GPBP1L1: variants seen among roughly 807,000 people sequenced by gnomAD.
GPBP1L1 encodes vasculin-like protein 1.
Under a neutral mutation model 52.5 loss-of-function variants are expected in GPBP1L1, and 23 were observed. The ratio of observed to expected loss-of-function variants is 0.44; its 90% CI spans 0.32 to 0.62. GPBP1L1 has a LOEUF of 0.62. Among genes scored for constraint, GPBP1L1 ranks in the 20% least tolerant of loss-of-function variants. The probability of loss-of-function intolerance (pLI) is 0.06; values close to 1 mark genes in which losing one functional copy is unlikely to be tolerated. For synonymous variants in GPBP1L1, 243 were observed against 203.1 expected (o/e 1.20, Z -1.67); for missense variants, 596 against 579.3 (o/e 1.03, Z -0.30).
In GPBP1L1 at chr1:45,629,683, T is replaced by C; in HGVS notation, c.1170-5A>G. 1 of 1,565,444 alleles carries C rather than the reference T, an allele frequency of 6.4e-7. No individual in the cohort carries two copies. Among genetic ancestry groups the C allele is most frequent in the South Asian group, 1.1e-5 (1 of 90,070 alleles). On this transcript the variant is annotated splice_polypyrimidine_tract_variant and splice_region_variant and intron_variant, in intron 11 of 12. Coordinates refer to ENST00000355105, the MANE Select transcript of GPBP1L1 (RefSeq NM_021639.5). The stretch of plus-strand genomic sequence containing the variant: ...CAACCCATAGCTTTCAATAACCTGG[T>C]GGACGCAGAAGGACAGGTAAAGAGA...
At chr1:45,651,466 T>G in intron 6 of GPBP1L1, 1 of 435,920 alleles carries the variant, frequency 2.3e-6, no homozygotes. Context: ...GCTGGCAGCT[T>G]TCTTCTCAGC....
At chr1:45,653,012 G>A (rs1644837503) in intron 6 of GPBP1L1, among the ~76,000 whole-genome samples, 1 of 152,108 alleles carries the variant, frequency 6.6e-6, no homozygotes. Context: ...GAACATTCTG[G>A]ACAAATATTC....
rs531381041 is a variant in GPBP1L1 at position 45,685,366 on chromosome 1, T to A, written c.-1098+210A>T. Among the ~76,000 whole-genome samples the A allele has an allele frequency of 5.4e-4, 82 of 152,318 alleles. 1 individual carries two copies. Among genetic ancestry groups the A allele is most frequent in the African/African-American group, 1.9e-3 (77 of 41,572 alleles). On this transcript the variant is annotated intron_variant, in intron 2 of 12. Transcript: ENST00000355105. ...ACTAAACTAAAACATGAACCACTAT[T>A]ATTAACTGTATTTTTCTGGTAAGCA...
rs72883698 is a variant in GPBP1L1 at position 45,644,364 on chromosome 1, T to C, written c.478-1865A>G. On this transcript the variant is annotated intron_variant, in intron 6 of 12. Coordinates refer to ENST00000355105, the MANE Select transcript of GPBP1L1 (RefSeq NM_021639.5). ...TATCTTTGATCTCTTTCTACTGTTT[T>C]AAAAAATACAGTTTTAAAACTTGTA... Among the ~76,000 whole-genome samples, 771 of 152,282 alleles carry C rather than the reference T, an allele frequency of 5.1e-3. 7 individuals are homozygous for C. The highest frequency in any genetic ancestry group is 0.017 in the African/African-American group (726 of 41,556).
intron 8 of GPBP1L1, chr1:45,635,172 G>C (rs1256975062): frequency 6.6e-6 from 1 of 152,030 alleles, no homozygotes; most frequent in East Asian, 1.9e-4. Context: ...TAATTGTTAC[G>C]CTGACTTTTA....
rs768010571 is a variant in GPBP1L1 at position 45,634,180 on chromosome 1, G to C, written c.801C>G (p.Ser267Arg). ...TTGGACTGGTAAAAGCAGACTCCCGGCTAGAGGAAAGGGATCCTGACTTGT... is the reference window on the plus strand; with the variant it reads ...TTGGACTGGTAAAAGCAGACTCCCGCCTAGAGGAAAGGGATCCTGACTTGT... ...MEHKSGSLSS[S>R]RESAFTSPIS... The change falls in exon 9 of 13, where the codon AGC (serine) becomes AGG (arginine). Residue 267 changes from serine to arginine, a missense_variant. By Grantham distance (110) the Ser-to-Arg change is moderately radical. Transcript: ENST00000355105. The C allele has an allele frequency of 5.6e-6, 9 of 1,613,868 alleles. No individual in the cohort carries two copies.
At chr1:45,637,045 T>C (rs888398010) in intron 8 of GPBP1L1, among the ~76,000 whole-genome samples, 2 of 152,212 alleles carry the variant, frequency 1.3e-5, no homozygotes, top group Non-Finnish European at 2.9e-5. Flanking sequence ...TGTCAACAAA[T>C]GGCAGTTCTC....
chr1:45,639,314 G>A (rs1252259702), intron 8 of GPBP1L1, among the ~76,000 whole-genome samples: 1 of 152,190 alleles, frequency 6.6e-6, no homozygotes, highest in Non-Finnish European at 1.5e-5. Flanking sequence ...AACAAGGACA[G>A]CATAGAGAGA....
At chr1:45,650,967 T>G (rs1269183597) in intron 6 of GPBP1L1, 1 of 329,184 alleles carries the variant, frequency 3.0e-6, no homozygotes, top group East Asian at 7.7e-5. Flanking sequence ...TCACTTTGGA[T>G]AGAAATCTTT....
At chr1:45,663,757 T>C (rs572231810) in intron 2 of GPBP1L1, among the ~76,000 whole-genome samples, 8 of 152,356 alleles carry the variant, frequency 5.3e-5, no homozygotes, top group Non-Finnish European at 1.0e-4. Context: ...GGTGGAATTA[T>C]GGGCATTTTG....
chr1:45,678,271 A>T (rs1471210102), intron 2 of GPBP1L1, among the ~76,000 whole-genome samples: 1 of 152,240 alleles, frequency 6.6e-6, no homozygotes, highest in African/African-American at 2.4e-5. Flanking sequence ...CGAACACTTT[A>T]AATATGTGTA....
chr1:45,631,285 TC>T (rs1250887534), intron 10 of GPBP1L1, among the ~76,000 whole-genome samples: 1 of 152,144 alleles, frequency 6.6e-6, no homozygotes, highest in African/African-American at 2.4e-5. Flanking sequence ...TTTTTGGAGA[TC>T]AAGTCTCACT....
intron 2 of GPBP1L1, among the ~76,000 whole-genome samples, chr1:45,685,088 G>A (rs183109819): frequency 6.7e-6 from 1 of 149,616 alleles, no homozygotes; most frequent in Non-Finnish European, 1.5e-5. Flanking sequence ...GCAAACAAAA[G>A]ACAGTCTCTT....
At chr1:45,653,853 C>T (rs1644850785) in intron 6 of GPBP1L1, among the ~76,000 whole-genome samples, 1 of 151,876 alleles carries the variant, frequency 6.6e-6, no homozygotes, top group Non-Finnish European at 1.5e-5. Context: ...CACTTGCCAC[C>T]AAGCCCAGCT....
chr1:45,629,846 T>C (rs1303528309), intron 11 of GPBP1L1, 168 bp from the exon 12 acceptor site: 1 of 586,108 alleles, frequency 1.7e-6, no homozygotes. Context: ...ACCTGGGTGC[T>C]GTAAATAAAT....
intron 2 of GPBP1L1, among the ~76,000 whole-genome samples, chr1:45,674,724 G>C (rs1645117959): frequency 6.6e-6 from 1 of 152,244 alleles, no homozygotes; most frequent in African/African-American, 2.4e-5. Flanking sequence ...ACTGTACAGG[G>C]TATGTGTTGC....
intron 8 of GPBP1L1, among the ~76,000 whole-genome samples, chr1:45,637,331 T>C (rs1320313722): frequency 6.6e-6 from 1 of 152,184 alleles, no homozygotes; most frequent in Non-Finnish European, 1.5e-5. Flanking sequence ...TCTCATATCC[T>C]ACGTACCCAG....
intron 6 of GPBP1L1, among the ~76,000 whole-genome samples, chr1:45,647,509 G>A (rs907399363): frequency 6.6e-6 from 1 of 152,178 alleles, no homozygotes; most frequent in African/African-American, 2.4e-5. Context: ...GAGCAAAAAT[G>A]TGCCTGGACA....
Position 45,654,814 on chromosome 1 carries a change from G to A in GPBP1L1, c.206C>T (p.Pro69Leu). Residue 69 changes from proline to leucine, a missense_variant, in exon 6 of 13, where the codon CCC becomes CTC. Transcript: ENST00000355105. The stretch of plus-strand genomic sequence containing the variant: ...CACAGAATCATGGCGGAACAGGGAG[G>A]GCTGGTGCCAAGAATCTAGAATAGT... The part of the protein sequence containing the change: ...LRTAGDSWHQ[P>L]SLFRHDSVDS... 1 of 1,613,930 alleles carries A rather than the reference G, an allele frequency of 6.2e-7. No homozygotes were observed. The highest frequency in any genetic ancestry group is 1.7e-4 in the Middle Eastern group (1 of 6,060).
Sources: gnomAD v4.1 joint callset for allele counts (sites outside exome capture counted in the v4.1 genomes callset) on GRCh38, gnomAD v4.1.1 for gene constraint, MANE v1.5 for transcripts, NCBI Gene and HGNC (gene_info 2026-07-23, HGNC 2026-07-21) for gene names.